Variants in TACR1 observed in about 807,000 individuals in gnomAD.
TACR1 encodes substance-P receptor.
TACR1 carries 25 observed loss-of-function variants against 35.8 expected under a neutral mutation model. The observed-to-expected ratio is 0.70, with a 90% confidence interval of 0.51 to 0.98. TACR1 has a LOEUF of 0.98. TACR1 is among the 50% of genes least tolerant of loss of function. The probability of loss-of-function intolerance (pLI) is 0.00; values close to 1 mark genes in which losing one functional copy is unlikely to be tolerated. For missense variants in TACR1, 478 were observed against 522.9 expected, an observed-to-expected ratio of 0.91 and a Z score of 0.84; for synonymous variants, 195 against 206.7, an observed-to-expected ratio of 0.94 and a Z score of 0.48.
intron 1 of TACR1, among the ~76,000 whole-genome samples, chr2:75,144,700 AAC>A (rs1674470020): frequency 6.6e-6 from 1 of 152,224 alleles, no homozygotes; most frequent in South Asian, 2.1e-4. Flanking sequence ...TTCTATCCAC[AAC>A]TAACAAACTG....
Position 75,049,353 on chromosome 2 carries a change from C to A in TACR1, c.*79G>T. On this transcript the variant is annotated 3_prime_UTR_variant, in exon 5 of 5. Coordinates refer to ENST00000305249, the MANE Select transcript of TACR1 (RefSeq NM_001058.4). ...CAGTGTGAGGGTGTTTCTGATGGTT[C>A]CAGATGAAGGGAATTTCCATGCATG... 2.7e-6 allele frequency: 4 copies of A among 1,486,930 alleles called. No homozygotes were observed. The highest frequency in any genetic ancestry group is 3.7e-6 in the Non-Finnish European group (4 of 1,094,242). The allele number at this position is 1,486,930 out of a possible 1,614,324, so 92.1% of individuals were successfully genotyped here. A position where few individuals can be genotyped will look rare whatever the true frequency, so the allele number is the denominator to read the frequency against.
chr2:75,190,843 G>C (rs778463693), intron 1 of TACR1, among the ~76,000 whole-genome samples: 10 of 151,644 alleles, frequency 6.6e-5, no homozygotes, highest in Middle Eastern at 3.4e-3. Context: ...TTTATTAAAG[G>C]GTGCGCTCAT....
At chr2:75,196,589 A>G (rs1212471690) in intron 1 of TACR1, among the ~76,000 whole-genome samples, 3 of 152,170 alleles carry the variant, frequency 2.0e-5, no homozygotes, top group African/African-American at 7.2e-5. Flanking sequence ...GTTTACCTAG[A>G]GAAAAACAAC....
chr2:75,156,157 T>C (rs535749319), intron 1 of TACR1: 2 of 152,282 alleles, frequency 1.3e-5, no homozygotes, highest in Admixed American at 1.3e-4. Context: ...ATACAAATTA[T>C]TGTGGTGGGT....
chr2:75,190,241 G>A (rs1245080699), intron 1 of TACR1, among the ~76,000 whole-genome samples: 1 of 152,182 alleles, frequency 6.6e-6, no homozygotes, highest in East Asian at 1.9e-4. Context: ...CCATATAAGG[G>A]TGGTGACTTT....
chr2:75,103,255 G>A (rs1196976053), intron 2 of TACR1, among the ~76,000 whole-genome samples: 4 of 152,092 alleles, frequency 2.6e-5, no homozygotes, highest in African/African-American at 9.7e-5. Flanking sequence ...TAGAACTGGG[G>A]CAGGAAATAT....
chr2:75,095,006 A>G (rs972709121), intron 2 of TACR1, among the ~76,000 whole-genome samples: 3 of 151,926 alleles, frequency 2.0e-5, no homozygotes, highest in African/African-American at 7.3e-5. Context: ...CTGAGGATCA[A>G]CAGAACTTGA....
At chr2:75,150,598 G>C (rs545651462) in intron 1 of TACR1, among the ~76,000 whole-genome samples, 1 of 152,076 alleles carries the variant, frequency 6.6e-6, no homozygotes, top group African/African-American at 2.4e-5. Flanking sequence ...AGAACTGTAA[G>C]TCCAATTAAA....
At chr2:75,071,628 T>G (rs1446441034) in intron 2 of TACR1, among the ~76,000 whole-genome samples, 1 of 152,240 alleles carries the variant, frequency 6.6e-6, no homozygotes, top group Non-Finnish European at 1.5e-5. Context: ...GATTAAGTTT[T>G]CTAAAACCCT....
At chr2:75,057,067 A>G (rs549938826) in intron 2 of TACR1, among the ~76,000 whole-genome samples, 1 of 152,364 alleles carries the variant, frequency 6.6e-6, no homozygotes, top group South Asian at 2.1e-4. Context: ...TTGCAATGGA[A>G]TATCATTCTG....
At chr2:75,154,454 TGAA>T (rs1674777199) in intron 1 of TACR1, 1 of 54,024 alleles carries the variant, frequency 1.9e-5, no homozygotes, top group South Asian at 5.1e-4. Context: ...ACACACACTC[TGAA>T]GAAACCCAGT....
chr2:75,178,520 A>G (rs1368390418), intron 1 of TACR1, among the ~76,000 whole-genome samples: 1 of 150,484 alleles, frequency 6.6e-6, no homozygotes, highest in African/African-American at 2.4e-5. Flanking sequence ...AACATGCTAC[A>G]ATACCTTTCC....
intron 2 of TACR1, among the ~76,000 whole-genome samples, chr2:75,091,868 G>C (rs1280625788): frequency 6.6e-6 from 1 of 152,188 alleles, no homozygotes. Flanking sequence ...GCCCACATGG[G>C]GAAGAAGCAG....
At chr2:75,050,956 A>G in intron 4 of TACR1, 1 of 423,044 alleles carries the variant, frequency 2.4e-6, no homozygotes, top group Non-Finnish European at 4.4e-6. Context: ...TTAACCACAG[A>G]AGTTTTTAAT....
At chr2:75,063,986 C>T (rs1355841444) in intron 2 of TACR1, among the ~76,000 whole-genome samples, 1 of 152,120 alleles carries the variant, frequency 6.6e-6, no homozygotes, top group Non-Finnish European at 1.5e-5. Flanking sequence ...AATCCACTGG[C>T]CCTTCCCAGC....
intron 1 of TACR1, among the ~76,000 whole-genome samples, chr2:75,139,391 C>A (rs1338834952): frequency 1.3e-5 from 2 of 152,182 alleles, no homozygotes; most frequent in African/African-American, 4.8e-5. Flanking sequence ...GATTTGAATC[C>A]AGGCTATCTG....
intron 1 of TACR1, among the ~76,000 whole-genome samples, chr2:75,161,760 G>C (rs1675015247): frequency 6.6e-6 from 1 of 151,954 alleles, no homozygotes; most frequent in Non-Finnish European, 1.5e-5. Context: ...AAACGAAAAT[G>C]ACTCTAAAAG....
At chr2:75,102,540 G>C (rs777481908) in intron 2 of TACR1, among the ~76,000 whole-genome samples, 1 of 151,894 alleles carries the variant, frequency 6.6e-6, no homozygotes, top group Non-Finnish European at 1.5e-5. Flanking sequence ...TTTAAATCCT[G>C]TTTGGATTTT....
chr2:75,054,902 G>C (rs1429865624), intron 2 of TACR1, among the ~76,000 whole-genome samples: 2 of 152,098 alleles, frequency 1.3e-5, no homozygotes, highest in Non-Finnish European at 2.9e-5. Context: ...CATTTTACTA[G>C]CATTATCTTA....
Sources: allele counts gnomAD v4.1 joint callset (sites outside exome capture counted in the v4.1 genomes callset), GRCh38; gene constraint gnomAD v4.1.1; transcripts MANE v1.5; gene names NCBI Gene and HGNC (gene_info 2026-07-23, HGNC 2026-07-21).